Variants in SGPP2 observed in about 807,000 individuals in gnomAD.
SGPP2 encodes sphingosine-1-phosphate phosphatase 2.
SGPP2 carries 30 observed loss-of-function variants against 33.9 expected under a neutral mutation model. That is an observed-to-expected ratio of 0.89 (90% CI 0.66 to 1.20). The LOEUF (loss-of-function observed/expected upper bound fraction) is 1.20, where lower values mean the gene tolerates loss of function less well. SGPP2 is among the 50% of genes most tolerant of loss of function. The probability of loss-of-function intolerance (pLI) is 0.00; values close to 1 mark genes in which losing one functional copy is unlikely to be tolerated. For missense variants in SGPP2, 458 were observed against 532.1 expected, an observed-to-expected ratio of 0.86 and a Z score of 1.37; for synonymous variants, 233 against 225.0, an observed-to-expected ratio of 1.04 and a Z score of -0.32.
intron 4 of SGPP2, among the ~76,000 whole-genome samples, chr2:222,546,695 G>T (rs1006416490): frequency 5.3e-5 from 8 of 151,962 alleles, no homozygotes; most frequent in African/African-American, 1.7e-4. Context: ...GGTCTACAAA[G>T]AATTTCCAGA....
rs545284189 is a variant in SGPP2 at position 222,497,900 on chromosome 2, C to T, written c.378+23174C>T. Among the ~76,000 whole-genome samples the T allele has an allele frequency of 1.7e-4, 26 of 152,238 alleles. No homozygotes were observed. The South Asian group carries it at 5.0e-3, about 29-fold the overall frequency. On this transcript the variant is annotated intron_variant, in intron 2 of 4. Coordinates refer to ENST00000321276, the MANE Select transcript of SGPP2 (RefSeq NM_152386.4). Reference sequence around the variant, plus strand: ...CAGTTTCCTTTAACTTAAGTCTTGACGGATGAGGAGCCAGCCTCATGAGGC... The same window carrying T: ...CAGTTTCCTTTAACTTAAGTCTTGATGGATGAGGAGCCAGCCTCATGAGGC...
intron 2 of SGPP2, among the ~76,000 whole-genome samples, chr2:222,502,836 T>C (rs1003930715): frequency 2.0e-5 from 3 of 152,210 alleles, no homozygotes; most frequent in Non-Finnish European, 2.9e-5. Flanking sequence ...ATGGTTTATA[T>C]TGGAAATGGC....
intron 2 of SGPP2, among the ~76,000 whole-genome samples, chr2:222,487,431 G>A (rs1241761251): frequency 6.6e-6 from 1 of 152,188 alleles, no homozygotes; most frequent in Non-Finnish European, 1.5e-5. Context: ...TCTGTGAAAT[G>A]TGAAGTTGAA....
chr2:222,539,471 G>A (rs1698960952), intron 4 of SGPP2, among the ~76,000 whole-genome samples: 1 of 152,190 alleles, frequency 6.6e-6, no homozygotes, highest in African/African-American at 2.4e-5. Context: ...AGAGATCATT[G>A]CTATACTCAG....
intron 2 of SGPP2, among the ~76,000 whole-genome samples, chr2:222,521,509 T>G (rs1453464140): frequency 6.6e-6 from 1 of 152,244 alleles, no homozygotes; most frequent in East Asian, 1.9e-4. Context: ...GCTACGTGTT[T>G]GTTAAATACA....
chr2:222,536,595 G>A (rs1045258236), intron 4 of SGPP2, among the ~76,000 whole-genome samples: 5 of 152,090 alleles, frequency 3.3e-5, no homozygotes, highest in African/African-American at 7.2e-5. Flanking sequence ...CATGAGAATC[G>A]CTTGAACCCA....
At chr2:222,521,696 A>G in intron 2 of SGPP2, 71 bp from the exon 3 acceptor site, 1 of 1,525,546 alleles carries the variant, frequency 6.6e-7, no homozygotes, top group Non-Finnish European at 8.8e-7. Flanking sequence ...CCCAAAATAT[A>G]TCCATGACAT....
At chr2:222,454,774 A>T (rs1382303244) in intron 1 of SGPP2, among the ~76,000 whole-genome samples, 1 of 151,440 alleles carries the variant, frequency 6.6e-6, no homozygotes, top group Non-Finnish European at 1.5e-5. Context: ...ACCTCACTCC[A>T]GATCTAGTAA....
intron 4 of SGPP2, among the ~76,000 whole-genome samples, chr2:222,533,325 ACT>A (rs1698866218): frequency 6.6e-6 from 1 of 151,968 alleles, no homozygotes; most frequent in African/African-American, 2.4e-5. Context: ...TCAGATCAAA[ACT>A]CTAACATATG....
At chr2:222,551,153 A>G (rs1486269100) in intron 4 of SGPP2, among the ~76,000 whole-genome samples, 1 of 151,896 alleles carries the variant, frequency 6.6e-6, no homozygotes, top group Admixed American at 6.6e-5. Flanking sequence ...TTCCCTATCA[A>G]CCATCTGCAC....
rs1689526533 is a variant in SGPP2 at position 222,560,969 on chromosome 2, G to C, written c.*2071G>C. On this transcript the variant is annotated 3_prime_UTR_variant, in exon 5 of 5. Transcript: ENST00000321276. Reference sequence around the variant, plus strand: ...AATACAAAAAAATTAGCCGGACGTGGTGGAGGGCGCCTGTAGTCCCAGCTA... The same window carrying C: ...AATACAAAAAAATTAGCCGGACGTGCTGGAGGGCGCCTGTAGTCCCAGCTA... 1 of 152,196 alleles carries C rather than the reference G, an allele frequency of 6.6e-6. No homozygotes were observed. 9.4% of individuals were successfully genotyped at this position (152,196 alleles called of 1,614,324 possible).
At chr2:222,500,891 G>T (rs187129069) in intron 2 of SGPP2, among the ~76,000 whole-genome samples, 24 of 152,270 alleles carry the variant, frequency 1.6e-4, no homozygotes, top group Non-Finnish European at 2.6e-4. Flanking sequence ...TTCCCCCTAC[G>T]TGTGTGCAGT....
At chr2:222,513,396 C>T (rs113131005) in intron 2 of SGPP2, among the ~76,000 whole-genome samples, 55 of 152,070 alleles carry the variant, frequency 3.6e-4, no homozygotes, top group South Asian at 6.3e-4. Context: ...TTATGCTGTG[C>T]GGGAAAAATG....
chr2:222,474,795 C>T, intron 2 of SGPP2, 69 bp downstream of exon 2: 2 of 1,137,598 alleles, frequency 1.8e-6, no homozygotes, highest in Non-Finnish European at 2.5e-6. Flanking sequence ...TACTCAAGTA[C>T]TTTGCAAATA....
intron 4 of SGPP2, among the ~76,000 whole-genome samples, chr2:222,527,652 C>G (rs1698778846): frequency 6.6e-6 from 1 of 152,172 alleles, no homozygotes; most frequent in Non-Finnish European, 1.5e-5. Context: ...ACCATTGTCC[C>G]CAACCCCATC....
intron 1 of SGPP2, among the ~76,000 whole-genome samples, chr2:222,445,837 A>G (rs535533133): frequency 1.3e-5 from 2 of 152,302 alleles, no homozygotes; most frequent in Admixed American, 6.5e-5. Context: ...TACCTGCCTC[A>G]TCATCTGGGT....
Position 222,460,098 on chromosome 2 carries a change from C to T in SGPP2, c.220-14470C>T, listed in dbSNP as rs568704135. Among the ~76,000 whole-genome samples the T allele has an allele frequency of 1.3e-5, 2 of 152,180 alleles. No homozygotes were observed. The highest frequency in any genetic ancestry group is 2.4e-5 in the African/African-American group (1 of 41,442). ...GGGCTCAGTCAAAACCCAGGGCCTC[C>T]GGGTTTGCTCGGGGTGGGCATTGCA... On this transcript the variant is annotated intron_variant, in intron 1 of 4. Coordinates refer to ENST00000321276, the MANE Select transcript of SGPP2 (RefSeq NM_152386.4). The surrounding 1 kb of genome is among the most constrained non-coding windows in gnomAD (Gnocchi z 4.3).
At chr2:222,504,137 T>C (rs1352748262) in intron 2 of SGPP2, 1 of 152,142 alleles carries the variant, frequency 6.6e-6, no homozygotes, top group Non-Finnish European at 1.5e-5. Flanking sequence ...AGATGGCAAA[T>C]CTCATTCTCA....
In SGPP2 at chr2:222,497,871, G is replaced by A. The variant is rs1228815327; in HGVS notation, c.378+23145G>A. Reference sequence around the variant, plus strand: ...GAAGGTGGTTGGAGAGGGGCACTTTGTACCAGTTTCCTTTAACTTAAGTCT... The same window carrying A: ...GAAGGTGGTTGGAGAGGGGCACTTTATACCAGTTTCCTTTAACTTAAGTCT... On this transcript the variant is annotated intron_variant, in intron 2 of 4. Coordinates refer to ENST00000321276, the MANE Select transcript of SGPP2 (RefSeq NM_152386.4). Among the ~76,000 whole-genome samples, 7 of 152,306 alleles carry A rather than the reference G, an allele frequency of 4.6e-5. No individual in the cohort carries two copies. In the South Asian group the frequency reaches 1.0e-3, roughly 23 times the overall value.
Sources: allele counts gnomAD v4.1 joint callset (sites outside exome capture counted in the v4.1 genomes callset), GRCh38; gene constraint gnomAD v4.1.1; non-coding constraint Gnocchi (gnomAD v3.1); transcripts MANE v1.5; gene names NCBI Gene and HGNC (gene_info 2026-07-23, HGNC 2026-07-21).